Variants in ITM2B observed in about 807,000 individuals in gnomAD.
ITM2B encodes the protein integral membrane protein 2B.
Under a neutral mutation model 27.8 loss-of-function variants are expected in ITM2B, and 11 were observed. The ratio of observed to expected loss-of-function variants is 0.40; its 90% CI spans 0.25 to 0.66. The LOEUF (loss-of-function observed/expected upper bound fraction) is 0.66, where lower values mean the gene tolerates loss of function less well. Among genes scored for constraint, ITM2B ranks in the 30% least tolerant of loss-of-function variants. The pLI is 0.43. For missense variants in ITM2B, 296 were observed against 328.9 expected, an observed-to-expected ratio of 0.90 and a Z score of 0.77; for synonymous variants, 114 against 114.3, an observed-to-expected ratio of 1.00 and a Z score of 0.02.
intron 1 of ITM2B, among the ~76,000 whole-genome samples, chr13:48,252,693 A>G (rs949268206): frequency 1.3e-5 from 2 of 152,190 alleles, no homozygotes; most frequent in African/African-American, 4.8e-5. Flanking sequence ...CTAATTTTAT[A>G]TCCTATTATA....
intron 2 of ITM2B, among the ~76,000 whole-genome samples, chr13:48,255,268 CGTGCGCGCACGT>C (rs2137992925): frequency 6.6e-6 from 1 of 151,428 alleles, no homozygotes; most frequent in African/African-American, 2.4e-5. Flanking sequence ...CGCGCGTGTG[CGTGCGCGCACGT>C]GTACATGTAC....
rs1676926890 is a variant in ITM2B at position 48,268,224 on chromosome 13, A to C, written c.*7000A>C. The C allele has an allele frequency of 6.6e-6, 1 of 151,604 alleles. No homozygotes were observed. Among genetic ancestry groups the C allele is most frequent in the African/African-American group, 2.4e-5 (1 of 41,248 alleles). The allele number at this position is 151,604 out of a possible 1,614,324, so 9.4% of individuals were successfully genotyped here. A position where few individuals can be genotyped will look rare whatever the true frequency, so the allele number is the denominator to read the frequency against. On this transcript the variant is annotated 3_prime_UTR_variant, in exon 6 of 6. Transcript: ENST00000647800. ...TGTCCATGTTGTTGCATGACTCAGC[A>C]GTTCTTTCTTTTCAGTTGCTGTGTA...
In ITM2B at chr13:48,258,854, C is replaced by T. The variant is rs762725137; in HGVS notation, c.622C>T (p.Arg208Cys). ...LIHEHMVITD[R>C]IENIDHLGFF... Reference sequence around the variant, plus strand: ...TCATGAGCACATGGTTATTACTGATCGCATTGAAAACATTGATCACCTGGG... The same window carrying T: ...TCATGAGCACATGGTTATTACTGATTGCATTGAAAACATTGATCACCTGGG... Residue 208 changes from arginine to cysteine, a missense_variant, in exon 5 of 6, where the codon CGC (arginine) becomes TGC (cysteine). By Grantham distance (180) the Arg-to-Cys change is radical. Transcript: ENST00000647800. The T allele has an allele frequency of 3.1e-6, 5 of 1,613,280 alleles. No homozygotes were observed. Among genetic ancestry groups the T allele is most frequent in the South Asian group, 1.1e-5 (1 of 91,074 alleles).
rs980307830 is a variant in ITM2B, at chr13:48,233,220, C to A, written c.-141C>A. The A allele has an allele frequency of 2.9e-5, 15 of 515,960 alleles. 1 individual carries two copies. The highest frequency in any genetic ancestry group is 2.7e-5 in the Non-Finnish European group (8 of 298,040). 32.0% of individuals were successfully genotyped at this position (515,960 alleles called of 1,614,324 possible). On this transcript the variant is annotated 5_prime_UTR_variant, in exon 1 of 6. Coordinates refer to ENST00000647800, the MANE Select transcript of ITM2B (RefSeq NM_021999.5). ...ATCCCTACCGCAGTAGCCGCCTCTG[C>A]CGCCGCGGAGCTTCCCGAACCTCTT...
At chr13:48,254,884 T>C (rs970723959) in intron 2 of ITM2B, 4 of 152,100 alleles carry the variant, frequency 2.6e-5, no homozygotes, top group Non-Finnish European at 4.4e-5. Context: ...TAACTTTTTT[T>C]TTTTTCTTGA....
rs1210549868 is a variant in ITM2B, at chr13:48,267,135, A to G, written c.*5911A>G. Reference sequence around the variant, plus strand: ...AATTACTGCCCTTCTTGATTTGCCAATTATGCCCCTGCTGGGAAGCATGAA... The same window carrying G: ...AATTACTGCCCTTCTTGATTTGCCAGTTATGCCCCTGCTGGGAAGCATGAA... On this transcript the variant is annotated 3_prime_UTR_variant, in exon 6 of 6. Coordinates refer to ENST00000647800, the MANE Select transcript of ITM2B (RefSeq NM_021999.5). 1 of 152,194 alleles carries G rather than the reference A, an allele frequency of 6.6e-6. No homozygotes were observed. The highest frequency in any genetic ancestry group is 1.5e-5 in the Non-Finnish European group (1 of 68,036). The allele number at this position is 152,194 out of a possible 1,614,324, so 9.4% of individuals were successfully genotyped here.
At position 48,261,170 on chromosome 13, in the gene ITM2B, C is replaced by T. The variant is rs765077508; in HGVS notation, c.747C>T (p.Phe249=). 18 of 1,612,288 alleles carry T rather than the reference C, an allele frequency of 1.1e-5. No homozygotes were observed. The highest frequency in any genetic ancestry group is 6.7e-5 in the Admixed American group (4 of 59,944). Residue 249 remains phenylalanine (F), a synonymous_variant, in exon 6 of 6, where the codon TTC becomes TTT. Coordinates refer to ENST00000647800, the MANE Select transcript of ITM2B (RefSeq NM_021999.5). ...AGAAACGTGAAGCCAGCAATTGTTT[C>T]GCAATTCGGCATTTTGAAAACAAAT... ...GIQKREASNC[F]AIRHFENKFA...
At chr13:48,257,905 A>C (rs986164207) in intron 3 of ITM2B, among the ~76,000 whole-genome samples, 2 of 152,214 alleles carry the variant, frequency 1.3e-5, no homozygotes, top group African/African-American at 4.8e-5. Flanking sequence ...TATTATAGAA[A>C]TATACCCTCG....
intron 1 of ITM2B, among the ~76,000 whole-genome samples, chr13:48,250,300 T>A (rs1382271361): frequency 6.6e-6 from 1 of 152,122 alleles, no homozygotes; most frequent in Non-Finnish European, 1.5e-5. Flanking sequence ...TCATAAAAAA[T>A]TAAATAACCA....
chr13:48,252,418 G>A (rs937922711), intron 1 of ITM2B, among the ~76,000 whole-genome samples: 1 of 152,180 alleles, frequency 6.6e-6, no homozygotes, highest in African/African-American at 2.4e-5. Flanking sequence ...TCAGATCAGC[G>A]GGGGCATTAG....
chr13:48,233,919 T>C (rs937595093), intron 1 of ITM2B, among the ~76,000 whole-genome samples: 3 of 152,196 alleles, frequency 2.0e-5, no homozygotes, highest in Non-Finnish European at 2.9e-5. Context: ...GTTTCCCACT[T>C]TCGTTTCTAG....
At chr13:48,260,425 C>G (rs9332299) in intron 5 of ITM2B, among the ~76,000 whole-genome samples, 1,747 of 152,210 alleles carry the variant, frequency 0.011, 44 homozygotes, top group African/African-American at 0.04. Context: ...TTGCCACACT[C>G]TCTTCCACAA....
intron 1 of ITM2B, among the ~76,000 whole-genome samples, chr13:48,246,541 C>T (rs538735810): frequency 1.3e-5 from 2 of 152,278 alleles, no homozygotes; most frequent in South Asian, 4.1e-4. Context: ...TAATAATTAG[C>T]GGATCACCAC....
At chr13:48,250,340 C>T (rs528162079) in intron 1 of ITM2B, among the ~76,000 whole-genome samples, 2 of 152,180 alleles carry the variant, frequency 1.3e-5, no homozygotes, top group African/African-American at 4.8e-5. Context: ...TCTAAGTTGG[C>T]CGGGTACGGT....
chr13:48,243,789 C>A (rs964827165), intron 1 of ITM2B, among the ~76,000 whole-genome samples: 1 of 151,764 alleles, frequency 6.6e-6, no homozygotes, highest in African/African-American at 2.4e-5. Context: ...TACACTCTAG[C>A]TGGGGTGACA....
rs567626643 is a variant in ITM2B at position 48,254,576 on chromosome 13, AT to A, written c.246+651del. Among the ~76,000 whole-genome samples the A allele has an allele frequency of 5.3e-3, 790 of 148,440 alleles. 5 individuals carry two copies. Among genetic ancestry groups the A allele is most frequent in the Middle Eastern group, 0.01 (3 of 286 alleles). ...ATATTTCTCTTGGCAATAATACACAATTTTTTTTTTTAGGAGTTTTGAAGGG... is the reference window on the plus strand; with the variant it reads ...ATATTTCTCTTGGCAATAATACACAATTTTTTTTTTAGGAGTTTTGAAGGG... On this transcript the variant is annotated intron_variant, in intron 2 of 5. Transcript: ENST00000647800.
At chr13:48,241,616 A>T (rs1481217303) in intron 1 of ITM2B, among the ~76,000 whole-genome samples, 1 of 152,206 alleles carries the variant, frequency 6.6e-6, no homozygotes, top group Non-Finnish European at 1.5e-5. Context: ...GATCCCAAAG[A>T]GCTTTTGCTT....
In ITM2B at chr13:48,261,721, A is replaced by G. The variant is rs1421189341; in HGVS notation, c.*497A>G. 2 of 153,140 alleles carry G rather than the reference A, an allele frequency of 1.3e-5. No individual in the cohort carries two copies. Among genetic ancestry groups the G allele is most frequent in the Non-Finnish European group, 2.9e-5 (2 of 68,376 alleles). 9.5% of individuals were successfully genotyped at this position (153,140 alleles called of 1,614,324 possible). A position where few individuals can be genotyped will look rare whatever the true frequency, so the allele number is the denominator to read the frequency against. On this transcript the variant is annotated 3_prime_UTR_variant, in exon 6 of 6. Coordinates refer to ENST00000647800, the MANE Select transcript of ITM2B (RefSeq NM_021999.5). ...GTGTCAAATATATTTAACTATTTAG[A>G]GAATGATTTCCACCTTTATGTTTTA...
chr13:48,261,233 G>A lies in ITM2B; in HGVS notation c.*9G>A, dbSNP rs1951820665. 2 of 1,578,548 alleles carry A rather than the reference G, an allele frequency of 1.3e-6. No homozygotes were observed. The highest frequency in any genetic ancestry group is 1.7e-6 in the Non-Finnish European group (2 of 1,148,392). The stretch of plus-strand genomic sequence containing the variant: ...CTTTAATTTGTTCTTGAACAGTCAA[G>A]AAAAACATTATTGAGGAAAATTAAT... On this transcript the variant is annotated 3_prime_UTR_variant, in exon 6 of 6. Transcript: ENST00000647800.
Sources: allele counts gnomAD v4.1 joint callset (sites outside exome capture counted in the v4.1 genomes callset), GRCh38; gene constraint gnomAD v4.1.1; transcripts MANE v1.5; gene names NCBI Gene and HGNC (gene_info 2026-07-23, HGNC 2026-07-21).